SEC14L1: variants seen among roughly 807,000 people sequenced by gnomAD.
SEC14L1 encodes SEC14-like protein 1.
SEC14L1 carries 48 observed loss-of-function variants against 85.3 expected under a neutral mutation model. The ratio of observed to expected loss-of-function variants is 0.56; its 90% CI spans 0.45 to 0.72. The LOEUF (loss-of-function observed/expected upper bound fraction) is 0.72, where lower values mean the gene tolerates loss of function less well. SEC14L1 is among the 30% of genes least tolerant of loss of function. SEC14L1 has a pLI of 0.00. For synonymous variants in SEC14L1, 391 were observed against 355.5 expected, an observed-to-expected ratio of 1.10 and a Z score of -1.12; for missense variants, 682 against 921.4, an observed-to-expected ratio of 0.74 and a Z score of 3.36.
intron 3 of SEC14L1, among the ~76,000 whole-genome samples, chr17:77,171,614 A>G (rs1484164414): frequency 6.6e-6 from 1 of 152,182 alleles, no homozygotes; most frequent in Non-Finnish European, 1.5e-5. Context: ...GCTCTGTTCA[A>G]ATTTTTCCAA....
intron 3 of SEC14L1, among the ~76,000 whole-genome samples, chr17:77,155,727 T>TTATG (rs1379802115): frequency 6.6e-6 from 1 of 152,160 alleles, no homozygotes; most frequent in East Asian, 1.9e-4. Flanking sequence ...CACCTCATCT[T>TTATG]TATTTATTTA....
intron 3 of SEC14L1, among the ~76,000 whole-genome samples, chr17:77,164,028 T>G (rs117858133): frequency 0.023 from 3,513 of 152,302 alleles, 72 homozygotes; most frequent in Non-Finnish European, 0.037. Flanking sequence ...AGAACAACAT[T>G]TAGAGAGTGC....
chr17:77,119,188 A>C (rs1308881065), intron 3 of SEC14L1, among the ~76,000 whole-genome samples: 1 of 151,786 alleles, frequency 6.6e-6, no homozygotes, highest in African/African-American at 2.4e-5. Flanking sequence ...TGCGCCTCTA[A>C]TCTCAGCTAC....
At chr17:77,170,440 G>C (rs144867425) in intron 3 of SEC14L1, among the ~76,000 whole-genome samples, 1 of 152,294 alleles carries the variant, frequency 6.6e-6, no homozygotes, top group East Asian at 1.9e-4. Flanking sequence ...CGTAATCTCT[G>C]GGCTGGTGAT....
intron 3 of SEC14L1, among the ~76,000 whole-genome samples, chr17:77,107,995 C>T (rs1330443730): frequency 6.6e-6 from 1 of 152,098 alleles, no homozygotes; most frequent in East Asian, 1.9e-4. Flanking sequence ...CCTCTCACCT[C>T]CGCCTCCCAA....
At chr17:77,178,093 A>G (rs59788065) in intron 3 of SEC14L1, among the ~76,000 whole-genome samples, 10,280 of 119,746 alleles carry the variant, frequency 0.086, 448 homozygotes, top group East Asian at 0.32. Context: ...GTGTTCATGC[A>G]CTAGCACTTG....
chr17:77,180,196 TG>T (rs1484628155), intron 3 of SEC14L1, among the ~76,000 whole-genome samples: 1 of 151,426 alleles, frequency 6.6e-6, no homozygotes, highest in Non-Finnish European at 1.5e-5. Flanking sequence ...CCCTGCCTCC[TG>T]GTTTCAAGCG....
intron 14 of SEC14L1, chr17:77,210,755 T>C (rs1036967916): frequency 5.3e-5 from 8 of 152,248 alleles, no homozygotes; most frequent in Admixed American, 4.6e-4. Context: ...GAGTCCTTGT[T>C]CCTTGTTTGT....
At chr17:77,172,019 TA>T (rs1209468862) in intron 3 of SEC14L1, among the ~76,000 whole-genome samples, 1 of 152,214 alleles carries the variant, frequency 6.6e-6, no homozygotes, top group African/African-American at 2.4e-5. Flanking sequence ...AGAAGTTTAA[TA>T]TTTACTGAGC....
chr17:77,154,199 G>C (rs2143588005), intron 3 of SEC14L1, among the ~76,000 whole-genome samples: 1 of 152,310 alleles, frequency 6.6e-6, no homozygotes, highest in South Asian at 2.1e-4. Flanking sequence ...GGCTGGGTGT[G>C]GTGGCTCACA....
chr17:77,215,062 C>T lies in SEC14L1; in HGVS notation c.*1039C>T, dbSNP rs945809298. 1.1e-5 allele frequency: 11 copies of T among 983,216 alleles called. No homozygotes were observed. Among genetic ancestry groups the T allele is most frequent in the South Asian group, 4.7e-5 (1 of 21,260 alleles). 60.9% of individuals were successfully genotyped at this position (983,216 alleles called of 1,614,324 possible). On this transcript the variant is annotated 3_prime_UTR_variant, in exon 17 of 17. Transcript: ENST00000436233. ...TGTACATGGGAATTGTGGACTCATGCGTGTGTGTGTGTGCATGTGCTGTGT... is the reference window on the plus strand; with the variant it reads ...TGTACATGGGAATTGTGGACTCATGTGTGTGTGTGTGTGCATGTGCTGTGT...
intron 3 of SEC14L1, chr17:77,181,065 C>T (rs1167236095): frequency 6.6e-6 from 1 of 152,152 alleles, no homozygotes; most frequent in Non-Finnish European, 1.5e-5. Context: ...GGAGTTTCAG[C>T]AGCAGACCGC....
At chr17:77,127,804 T>C (rs1276823711) in intron 3 of SEC14L1, 1 of 152,176 alleles carries the variant, frequency 6.6e-6, no homozygotes, top group Non-Finnish European at 1.5e-5. Flanking sequence ...GATGAGATCA[T>C]CGTGGATTTA....
chr17:77,131,554 G>A (rs183831652), intron 3 of SEC14L1, among the ~76,000 whole-genome samples: 1 of 152,242 alleles, frequency 6.6e-6, no homozygotes, highest in Non-Finnish European at 1.5e-5. Context: ...ACAGGCGTGA[G>A]CCACCACACC....
At chr17:77,097,068 G>A (rs907862199) in intron 3 of SEC14L1, among the ~76,000 whole-genome samples, 1 of 152,296 alleles carries the variant, frequency 6.6e-6, no homozygotes, top group East Asian at 1.9e-4. Flanking sequence ...CCGTTCCAAT[G>A]TACTCCCAGT....
chr17:77,185,674 A>T (rs1388746471), intron 3 of SEC14L1, among the ~76,000 whole-genome samples: 1 of 152,170 alleles, frequency 6.6e-6, no homozygotes, highest in Non-Finnish European at 1.5e-5. Flanking sequence ...ACAGTACTGG[A>T]ATGTACAAAG....
intron 3 of SEC14L1, among the ~76,000 whole-genome samples, 174 bp from the exon 4 acceptor site, chr17:77,190,629 C>A (rs1403316088): frequency 6.6e-6 from 1 of 152,166 alleles, no homozygotes. Flanking sequence ...TCTTCCGATC[C>A]ATGGACATGG....
chr17:77,194,634 A>C, intron 6 of SEC14L1, 43 bp from the exon 7 acceptor site: 1 of 1,457,812 alleles, frequency 6.9e-7, no homozygotes, highest in East Asian at 2.3e-5. Context: ...AGTAATTTGA[A>C]TGTTGAATAT....
At chr17:77,110,877 C>CA (rs1212651345) in intron 3 of SEC14L1, among the ~76,000 whole-genome samples, 1,790 of 45,946 alleles carry the variant, frequency 0.039, 53 homozygotes, top group Admixed American at 0.06. Context: ...GACTCTGTCT[C>CA]AAAAAAAAAA....
Sources: allele counts gnomAD v4.1 joint callset (sites outside exome capture counted in the v4.1 genomes callset), GRCh38; gene constraint gnomAD v4.1.1; transcripts MANE v1.5; gene names NCBI Gene and HGNC (gene_info 2026-07-23, HGNC 2026-07-21).